The following GRM7 variants were observed in gnomAD, a reference collection of about 807,000 sequenced individuals.
The protein encoded by GRM7 is metabotropic glutamate receptor 7.
In GRM7, 35 loss-of-function variants were observed where a neutral mutation model predicts 84.5. The observed-to-expected ratio is 0.41, with a 90% confidence interval of 0.32 to 0.55. The LOEUF (loss-of-function observed/expected upper bound fraction) is 0.55. GRM7 is among the 20% of genes least tolerant of loss of function. GRM7 has a pLI of 0.19. For synonymous variants in GRM7, 487 were observed against 455.1 expected, an observed-to-expected ratio of 1.07 and a Z score of -0.89; for missense variants, 1,003 against 1,194.6, an observed-to-expected ratio of 0.84 and a Z score of 2.36.
At chr3:7,259,953 G>GGTTTTTTTTTT (rs1698351025) in intron 2 of GRM7, among the ~76,000 whole-genome samples, 2 of 89,660 alleles carry the variant, frequency 2.2e-5, no homozygotes, top group South Asian at 4.1e-4. Flanking sequence ...ACCAGCATCT[G>GGTTTTTTTTTT]TTTTTTTTTT....
At chr3:7,250,903 T>G (rs975561733) in intron 2 of GRM7, among the ~76,000 whole-genome samples, 2 of 152,040 alleles carry the variant, frequency 1.3e-5, no homozygotes, top group Non-Finnish European at 2.9e-5. Context: ...AAGTTGAGAG[T>G]AGATCTTGTT....
chr3:7,522,643 G>A (rs552803378), intron 7 of GRM7, among the ~76,000 whole-genome samples: 55 of 152,188 alleles, frequency 3.6e-4, no homozygotes, highest in African/African-American at 1.2e-3. Context: ...CTTTCACTTC[G>A]TCTCAAGTTC....
chr3:6,946,981 A>G (rs550554689), intron 1 of GRM7, among the ~76,000 whole-genome samples: 79 of 152,312 alleles, frequency 5.2e-4, no homozygotes, highest in African/African-American at 1.8e-3. Flanking sequence ...CTAGATATAC[A>G]ATCATGTCAT....
At chr3:7,620,755 A>G (rs888779175) in intron 8 of GRM7, among the ~76,000 whole-genome samples, 3 of 152,138 alleles carry the variant, frequency 2.0e-5, no homozygotes, top group African/African-American at 7.2e-5. Flanking sequence ...GACCCAAATT[A>G]TAAACTACCA....
At chr3:7,555,261 A>T (rs925529454) in intron 7 of GRM7, among the ~76,000 whole-genome samples, 4 of 152,224 alleles carry the variant, frequency 2.6e-5, no homozygotes, top group African/African-American at 9.6e-5. Flanking sequence ...AGTAATAATA[A>T]GGTGGGATCT....
chr3:7,010,035 T>G (rs771216985), intron 1 of GRM7, among the ~76,000 whole-genome samples: 8 of 152,210 alleles, frequency 5.3e-5, no homozygotes, highest in Non-Finnish European at 8.8e-5. Context: ...AAATCAGACC[T>G]GTTAATATAT....
At chr3:7,676,440 T>C (rs1700124601) in intron 8 of GRM7, among the ~76,000 whole-genome samples, 1 of 152,142 alleles carries the variant, frequency 6.6e-6, no homozygotes, top group Admixed American at 6.5e-5. Context: ...TCATGCTTAT[T>C]CTTTGTTTTA....
At chr3:7,315,748 C>T (rs945633143) in intron 4 of GRM7, among the ~76,000 whole-genome samples, 5 of 152,132 alleles carry the variant, frequency 3.3e-5, no homozygotes, top group Non-Finnish European at 7.4e-5. Flanking sequence ...CTTTCCCATC[C>T]TATTTGTCTT....
intron 4 of GRM7, among the ~76,000 whole-genome samples, chr3:7,395,154 G>A (rs1014659063): frequency 1.3e-5 from 2 of 151,970 alleles, no homozygotes; most frequent in African/African-American, 4.8e-5. Flanking sequence ...TGTTTATAGA[G>A]CCAAAATATG....
intron 2 of GRM7, among the ~76,000 whole-genome samples, chr3:7,214,402 A>G (rs577889410): frequency 6.6e-6 from 1 of 152,338 alleles, no homozygotes; most frequent in South Asian, 2.1e-4. Flanking sequence ...AGCAAACAAG[A>G]CAAAGCCCCT....
In GRM7 at chr3:7,298,717, C is replaced by T; in HGVS notation, c.770C>T (p.Pro257Leu). The T allele has an allele frequency of 6.2e-7, 1 of 1,613,396 alleles. No individual in the cohort carries two copies. Among genetic ancestry groups the T allele is most frequent in the Non-Finnish European group, 8.5e-7 (1 of 1,179,442 alleles). The change falls in exon 3 of 10, where the codon CCC becomes CTC. Residue 257 changes from proline to leucine, a missense_variant. Physicochemically the swap from Pro to Leu is moderately conservative, Grantham distance 98. Coordinates refer to ENST00000357716, the MANE Select transcript of GRM7 (RefSeq NM_000844.4). ...GLCIAQSVRI[P>L]QERKDRTIDF... is the part of the protein sequence containing the mutation. ...TGCATTGCCCAGTCCGTGAGAATCC[C>T]CCAGGAACGCAAAGACAGGACCATT...
rs114590588 is a variant in GRM7 at position 7,043,279 on chromosome 3, G to A, written c.520-103173G>A. ...TGAAAATCTTCAGAGTTCTCTCTTGGACTTCTCTTTGTGTATGGCATTCTG... is the reference window on the plus strand; with the variant it reads ...TGAAAATCTTCAGAGTTCTCTCTTGAACTTCTCTTTGTGTATGGCATTCTG... On this transcript the variant is annotated intron_variant, in intron 1 of 9. Coordinates refer to ENST00000357716, the MANE Select transcript of GRM7 (RefSeq NM_000844.4). Among the ~76,000 whole-genome samples the A allele has an allele frequency of 5.6e-3, 848 of 152,230 alleles. 7 individuals are homozygous for A. The highest frequency in any genetic ancestry group is 0.019 in the African/African-American group (782 of 41,554).
At chr3:7,163,281 C>A (rs1432263572) in intron 2 of GRM7, among the ~76,000 whole-genome samples, 1 of 152,118 alleles carries the variant, frequency 6.6e-6, no homozygotes, top group African/African-American at 2.4e-5. Context: ...CTAGACAGGG[C>A]CCCCCAAATG....
rs1043807374 is a variant in GRM7 at position 7,385,864 on chromosome 3, C to A, written c.1034-29159C>A. Among the ~76,000 whole-genome samples the A allele has an allele frequency of 2.0e-5, 3 of 152,116 alleles. No homozygotes were observed. In the East Asian group the frequency reaches 5.8e-4, roughly 29 times the overall value. On this transcript the variant is annotated intron_variant, in intron 4 of 9. Transcript: ENST00000357716. ...ATGGTTAAAGATATTGTGGTATATT[C>A]GTATCTTGAAAACTACCAGCAATGA...
chr3:7,192,723 G>T (rs78651469), intron 2 of GRM7, among the ~76,000 whole-genome samples: 1 of 151,952 alleles, frequency 6.6e-6, no homozygotes, highest in Non-Finnish European at 1.5e-5. Flanking sequence ...CTTTAACTTA[G>T]AATATTCTTT....
chr3:7,103,816 TTCTC>T (rs796785372), intron 1 of GRM7, among the ~76,000 whole-genome samples: 58 of 89,032 alleles, frequency 6.5e-4, no homozygotes, highest in African/African-American at 2.6e-3. Context: ...CTTTCTTTCT[TTCTC>T]TCTCTCTCTG....
At chr3:7,330,200 T>A (rs9879127) in intron 4 of GRM7, among the ~76,000 whole-genome samples, 1 of 152,038 alleles carries the variant, frequency 6.6e-6, no homozygotes, top group South Asian at 2.1e-4. Flanking sequence ...TCCTGCTGTT[T>A]TTAAGGCATC....
At chr3:6,958,368 T>G (rs539051200) in intron 1 of GRM7, among the ~76,000 whole-genome samples, 1 of 152,192 alleles carries the variant, frequency 6.6e-6, no homozygotes, top group Non-Finnish European at 1.5e-5. Flanking sequence ...ATTTACTTTT[T>G]TGTTGCTGAA....
intron 5 of GRM7, among the ~76,000 whole-genome samples, chr3:7,440,114 A>G (rs712782): frequency 0.2 from 29,892 of 152,108 alleles, 3,379 homozygotes; most frequent in East Asian, 0.35. Flanking sequence ...TAGCAGATAC[A>G]GGATCAGAGA....
Sources: gnomAD v4.1 joint callset for allele counts (sites outside exome capture counted in the v4.1 genomes callset) on GRCh38, gnomAD v4.1.1 for gene constraint, MANE v1.5 for transcripts, NCBI Gene and HGNC (gene_info 2026-07-23, HGNC 2026-07-21) for gene names.